Variants in ARFGEF3 observed in about 807,000 individuals in gnomAD.
ARFGEF3 encodes the protein brefeldin A-inhibited guanine nucleotide-exchange protein 3.
A neutral mutation model predicts 221.7 loss-of-function variants in ARFGEF3; 96 were observed. That is an observed-to-expected ratio of 0.43 (90% CI 0.37 to 0.51). The LOEUF (loss-of-function observed/expected upper bound fraction) is 0.51, where lower values mean the gene tolerates loss of function less well. Ranked by LOEUF, ARFGEF3 falls within the 20% of genes least tolerant of loss-of-function variation. The probability of loss-of-function intolerance (pLI) is 0.00; values close to 1 mark genes in which losing one functional copy is unlikely to be tolerated. For missense variants in ARFGEF3, 2,410 were observed against 2,789.9 expected (o/e 0.86, Z 3.07); for synonymous variants, 1,145 against 1,126.8 (o/e 1.02, Z -0.32).
intron 2 of ARFGEF3, among the ~76,000 whole-genome samples, chr6:138,174,971 T>C (rs1454096786): frequency 2.0e-5 from 3 of 152,218 alleles, no homozygotes; most frequent in Admixed American, 1.3e-4. Context: ...CATTGATTGC[T>C]CTAAGGACTT....
intron 22 of ARFGEF3, among the ~76,000 whole-genome samples, chr6:138,306,500 GAAAAC>G (rs987379692): frequency 6.6e-6 from 1 of 151,954 alleles, no homozygotes; most frequent in African/African-American, 2.4e-5. Context: ...ACAGAATAGA[GAAAAC>G]AAACTTGAAA....
chr6:138,330,053 A>G (rs1412835698), intron 32 of ARFGEF3, among the ~76,000 whole-genome samples: 1 of 152,202 alleles, frequency 6.6e-6, no homozygotes, highest in Non-Finnish European at 1.5e-5. Flanking sequence ...AGGATGAGCC[A>G]GGAGAAGGAA....
chr6:138,273,151 T>C (rs1779035303), intron 12 of ARFGEF3, among the ~76,000 whole-genome samples: 1 of 152,218 alleles, frequency 6.6e-6, no homozygotes, highest in African/African-American at 2.4e-5. Flanking sequence ...GGTATTTTCA[T>C]ACACACAAGG....
chr6:138,247,577 A>G (rs532303623), intron 8 of ARFGEF3, among the ~76,000 whole-genome samples: 17 of 152,260 alleles, frequency 1.1e-4, no homozygotes, highest in Admixed American at 2.6e-4. Flanking sequence ...CTGAGACCCA[A>G]TCAAGAGTGG....
At chr6:138,274,822 G>A (rs1779067044) in intron 12 of ARFGEF3, among the ~76,000 whole-genome samples, 1 of 138,868 alleles carries the variant, frequency 7.2e-6, no homozygotes, top group Non-Finnish European at 1.5e-5. Context: ...ATGCACCTCA[G>A]CCTTGCCAGG....
chr6:138,218,421 G>T, intron 4 of ARFGEF3: 1 of 1,507,498 alleles, frequency 6.6e-7, no homozygotes, highest in Non-Finnish European at 8.9e-7. Context: ...TTGAATTGTA[G>T]CTCTGTAGCA....
At chr6:138,261,461 A>G (rs1778791896) in intron 10 of ARFGEF3, 66 bp from the exon 11 acceptor site, 1 of 961,988 alleles carries the variant, frequency 1.0e-6, no homozygotes, top group Non-Finnish European at 1.6e-6. Context: ...TGATCTCACA[A>G]TTTAAAAACC....
chr6:138,288,605 C>T (rs1227758648), intron 17 of ARFGEF3, among the ~76,000 whole-genome samples: 1 of 151,940 alleles, frequency 6.6e-6, no homozygotes, highest in Non-Finnish European at 1.5e-5. Flanking sequence ...AGGACAATTG[C>T]TTGAACCTGG....
At chr6:138,170,984 G>A (rs1205407223) in intron 2 of ARFGEF3, among the ~76,000 whole-genome samples, 1 of 152,194 alleles carries the variant, frequency 6.6e-6, no homozygotes, top group Non-Finnish European at 1.5e-5. Flanking sequence ...AGAGAAGAGA[G>A]AAGGGGACTG....
chr6:138,180,778 C>A (rs148354680), intron 2 of ARFGEF3, among the ~76,000 whole-genome samples: 2 of 152,306 alleles, frequency 1.3e-5, no homozygotes, highest in African/African-American at 4.8e-5. Flanking sequence ...TAGAGGAGAA[C>A]TGAACTTTTC....
intron 7 of ARFGEF3, among the ~76,000 whole-genome samples, chr6:138,244,654 T>C (rs1266649276): frequency 6.6e-6 from 1 of 152,212 alleles, no homozygotes; most frequent in Non-Finnish European, 1.5e-5. Flanking sequence ...TGCTTCAGTA[T>C]CAACAAAGAC....
In ARFGEF3 at chr6:138,218,366, A is replaced by G. The variant is rs1251121437; in HGVS notation, c.351+8325A>G. On this transcript the variant is annotated intron_variant, in intron 4 of 33. Transcript: ENST00000251691. Reference sequence around the variant, plus strand: ...TGTGAATAATATTGTGCATATCCTCATATTTCTGGTTCCTTAAGAAGGCCC... The same window carrying G: ...TGTGAATAATATTGTGCATATCCTCGTATTTCTGGTTCCTTAAGAAGGCCC... The G allele has an allele frequency of 3.9e-6, 6 of 1,544,960 alleles. No individual in the cohort carries two copies. In the South Asian group the frequency reaches 6.1e-5, roughly 16 times the overall value.
Position 138,188,216 on chromosome 6 carries a change from C to T in ARFGEF3, c.137+17503C>T, listed in dbSNP as rs370923796. On this transcript the variant is annotated intron_variant, in intron 2 of 33. Transcript: ENST00000251691. ...TCTGGATGCAGGGCATTTACAACCA[C>T]TCCTGCTGCAAATGACAGTGCTGTA... 3.9e-5 allele frequency among the ~76,000 whole-genome samples: 6 copies of T among 152,298 alleles called. No homozygotes were observed. The East Asian group carries it at 1.2e-3, about 29-fold the overall frequency.
At chr6:138,223,796 G>C (rs57070479) in intron 4 of ARFGEF3, among the ~76,000 whole-genome samples, 4,183 of 152,236 alleles carry the variant, frequency 0.027, 219 homozygotes, top group African/African-American at 0.097. Flanking sequence ...TACACCTTGT[G>C]TATCATGTGT....
intron 1 of ARFGEF3, among the ~76,000 whole-genome samples, chr6:138,165,568 C>A (rs1562339601): frequency 6.6e-6 from 1 of 151,332 alleles, no homozygotes; most frequent in Admixed American, 6.6e-5. Flanking sequence ...TCATCCCTCA[C>A]TGAGACTGAG....
chr6:138,173,148 AC>A (rs1477000406), intron 2 of ARFGEF3, among the ~76,000 whole-genome samples: 1 of 151,316 alleles, frequency 6.6e-6, no homozygotes, highest in East Asian at 1.9e-4. Flanking sequence ...AGAAGAGTTC[AC>A]CTTTTTTTTT....
chr6:138,227,298 C>T (rs1236150094), intron 4 of ARFGEF3, among the ~76,000 whole-genome samples: 1 of 152,174 alleles, frequency 6.6e-6, no homozygotes, highest in African/African-American at 2.4e-5. Context: ...GCTAACTCAA[C>T]ACCCTTACGA....
At chr6:138,252,045 A>G (rs1340741548) in intron 8 of ARFGEF3, among the ~76,000 whole-genome samples, 5 of 152,086 alleles carry the variant, frequency 3.3e-5, no homozygotes. Context: ...CTCTTCCTCC[A>G]TCCATCACCT....
intron 2 of ARFGEF3, among the ~76,000 whole-genome samples, chr6:138,203,569 A>G (rs1397271139): frequency 6.6e-6 from 1 of 152,170 alleles, no homozygotes; most frequent in African/African-American, 2.4e-5. Flanking sequence ...GATCGGATGG[A>G]TGGTTGAATG....
Sources: gnomAD v4.1 joint callset for allele counts (sites outside exome capture counted in the v4.1 genomes callset) on GRCh38, gnomAD v4.1.1 for gene constraint, MANE v1.5 for transcripts, NCBI Gene and HGNC (gene_info 2026-07-23, HGNC 2026-07-21) for gene names.